Variants in EXTL3 observed in about 807,000 individuals in gnomAD.
The protein encoded by EXTL3 is exostosin-like 3.
Under a neutral mutation model 69.3 loss-of-function variants are expected in EXTL3, and 27 were observed. The observed-to-expected ratio is 0.39, with a 90% CI of 0.29 to 0.54. The LOEUF is 0.54. EXTL3 is among the 20% of genes least tolerant of loss of function. EXTL3 has a pLI of 0.69. For synonymous variants in EXTL3, 511 were observed against 499.4 expected, an observed-to-expected ratio of 1.02 and a Z score of -0.31; for missense variants, 1,003 against 1,231.8, an observed-to-expected ratio of 0.81 and a Z score of 2.78.
At chr8:28,725,670 A>G (rs955515231) in intron 3 of EXTL3, among the ~76,000 whole-genome samples, 6 of 152,200 alleles carry the variant, frequency 3.9e-5, no homozygotes, top group East Asian at 3.8e-4. Flanking sequence ...CATACCAGTA[A>G]TTAAAGCAAT....
chr8:28,619,200 C>G (rs1305059403), upstream of EXTL3, among the ~76,000 whole-genome samples: 1 of 137,242 alleles, frequency 7.3e-6, no homozygotes, highest in Non-Finnish European at 1.5e-5. Context: ...ATGTCCTTCT[C>G]AAGGCCCACC....
Position 28,731,343 on chromosome 8 carries a change from G to A in EXTL3, c.2269G>A (p.Gly757Arg), listed in dbSNP as rs778167577. Residue 757 changes from glycine (G) to arginine (R), a missense_variant, in exon 4 of 7, where the codon GGG (glycine) becomes AGG (arginine). By Grantham distance (125) the Gly-to-Arg change is moderately radical. Transcript: ENST00000220562. ...AHLRHDEIMF[G>R]FRVWREARDR... The stretch of plus-strand genomic sequence containing the variant: ...CCTCCGCCATGACGAAATCATGTTT[G>A]GGTTCCGGTGAGAGACTAATTTCCA... 6.2e-7 allele frequency: 1 copy of A among 1,614,224 alleles called. No individual in the cohort carries two copies. Among genetic ancestry groups the A allele is most frequent in the South Asian group, 1.1e-5 (1 of 91,084 alleles).
upstream of EXTL3, chr8:28,696,898 C>T (rs1348064671): frequency 6.6e-6 from 1 of 152,264 alleles, no homozygotes; most frequent in East Asian, 1.9e-4. Flanking sequence ...TGATGGACAT[C>T]TGGGTACTTT....
At position 28,752,249 on chromosome 8, in the gene EXTL3, T is replaced by G. The variant is rs1765884698; in HGVS notation, c.*1383T>G. 6.6e-6 allele frequency: 1 copy of G among 152,504 alleles called. No homozygotes were observed. Among genetic ancestry groups the G allele is most frequent in the Non-Finnish European group, 1.5e-5 (1 of 68,060 alleles). The allele number at this position is 152,504 out of a possible 1,614,324, so 9.4% of individuals were successfully genotyped here. A position where few individuals can be genotyped will look rare whatever the true frequency, so the allele number is the denominator to read the frequency against. On this transcript the variant is annotated 3_prime_UTR_variant, in exon 7 of 7. Transcript: ENST00000220562. Reference sequence around the variant, plus strand: ...AACTGAAATAAGCTAATTTTTTGGGTCACGGTGGCAGTAGGGGAACCTAGG... The same window carrying G: ...AACTGAAATAAGCTAATTTTTTGGGGCACGGTGGCAGTAGGGGAACCTAGG...
At chr8:28,701,992 C>CT (rs1431663326) in intron 1 of EXTL3, among the ~76,000 whole-genome samples, 1 of 152,116 alleles carries the variant, frequency 6.6e-6, no homozygotes, top group South Asian at 2.1e-4. Context: ...CCGCCTCCAC[C>CT]TTTTTTTGGA....
chr8:28,704,496 T>G (rs1032030447), intron 1 of EXTL3, among the ~76,000 whole-genome samples: 1 of 152,162 alleles, frequency 6.6e-6, no homozygotes, highest in Non-Finnish European at 1.5e-5. Context: ...ATTCCTTCAT[T>G]TGGCTGTGTC....
At chr8:28,652,757 T>C (rs935072241) in intron 1 of EXTL3, among the ~76,000 whole-genome samples, 1 of 152,208 alleles carries the variant, frequency 6.6e-6, no homozygotes, top group South Asian at 2.1e-4. Context: ...ATTTCCTTAA[T>C]GATTAGCAAT....
At chr8:28,676,798 C>T (rs1807390514) in intron 1 of EXTL3, among the ~76,000 whole-genome samples, 1 of 152,184 alleles carries the variant, frequency 6.6e-6, no homozygotes, top group Non-Finnish European at 1.5e-5. Flanking sequence ...GGCAGTGCTT[C>T]TCAGACCCCC....
At chr8:28,660,838 C>CTTTTTTTTTT (rs58151386) in intron 1 of EXTL3, among the ~76,000 whole-genome samples, 8 of 46,952 alleles carry the variant, frequency 1.7e-4, no homozygotes, top group Admixed American at 3.6e-4. Context: ...CGATTTTTGG[C>CTTTTTTTTTT]TTTTTTTTTT....
rs372361872 is a variant in EXTL3, at chr8:28,634,966, T to C, written c.-53+12156T>C. Among the ~76,000 whole-genome samples, 3 of 152,196 alleles carry C rather than the reference T, an allele frequency of 2.0e-5. No homozygotes were observed. In the East Asian group the frequency reaches 5.8e-4, roughly 29 times the overall value. ...CACTCTGCATGGGCGATGTCCACTGTCTGTGGATTCTTTCCTGTTAGCGAT... is the reference window on the plus strand; with the variant it reads ...CACTCTGCATGGGCGATGTCCACTGCCTGTGGATTCTTTCCTGTTAGCGAT... On this transcript the variant is annotated intron_variant, in intron 1 of 6. Coordinates refer to the EXTL3 transcript ENST00000523149.
intron 1 of EXTL3, among the ~76,000 whole-genome samples, chr8:28,654,990 G>A (rs968835030): frequency 6.6e-6 from 1 of 152,196 alleles, no homozygotes; most frequent in African/African-American, 2.4e-5. Context: ...AAGGTGAGAA[G>A]AGTAAGGCCG....
chr8:28,623,544 C>T lies in EXTL3; in HGVS notation c.-53+734C>T, dbSNP rs928314531. ...GCAGGGCTCCATCCGTTCAGTCTCACCCCTTGGTAAGCATGTCCTGTCCTG... is the reference window on the plus strand; with the variant it reads ...GCAGGGCTCCATCCGTTCAGTCTCATCCCTTGGTAAGCATGTCCTGTCCTG... On this transcript the variant is annotated intron_variant, in intron 1 of 6. Transcript: ENST00000523149. The surrounding 1 kb of genome is among the most constrained non-coding windows in gnomAD (Gnocchi z 4.2). Among the ~76,000 whole-genome samples the T allele has an allele frequency of 9.1e-4, 138 of 152,322 alleles. 1 individual carries two copies. The highest frequency in any genetic ancestry group is 2.6e-4 in the Non-Finnish European group (18 of 68,028).
chr8:28,666,278 CTTCT>C (rs1457427522), intron 1 of EXTL3, among the ~76,000 whole-genome samples: 3 of 151,494 alleles, frequency 2.0e-5, no homozygotes, highest in Non-Finnish European at 2.9e-5. Context: ...TCCTTCCTTC[CTTCT>C]TTCTTTTTGT....
intron 3 of EXTL3, among the ~76,000 whole-genome samples, chr8:28,728,113 G>A (rs151051953): frequency 1.1e-4 from 16 of 152,348 alleles, no homozygotes; most frequent in African/African-American, 3.1e-4. Flanking sequence ...GTGAATGTTC[G>A]AGGGGAGTTT....
intron 5 of EXTL3, chr8:28,742,731 C>CTTTTT: frequency 7.7e-6 from 2 of 260,248 alleles, no homozygotes; most frequent in Non-Finnish European, 7.4e-6. Flanking sequence ...TCTCACTTAT[C>CTTTTT]TTTTTTTTTT....
At chr8:28,639,370 C>T (rs1359348568) in intron 1 of EXTL3, among the ~76,000 whole-genome samples, 5 of 152,166 alleles carry the variant, frequency 3.3e-5, no homozygotes, top group Admixed American at 2.0e-4. Context: ...CCCTGTCCGA[C>T]CTCCTGGGGG....
intron 3 of EXTL3, among the ~76,000 whole-genome samples, chr8:28,724,692 C>T (rs910034565): frequency 6.6e-6 from 1 of 151,922 alleles, no homozygotes; most frequent in South Asian, 2.1e-4. Flanking sequence ...CCCAGCTACT[C>T]AGGAGGCTGA....
intron 1 of EXTL3, among the ~76,000 whole-genome samples, chr8:28,685,499 G>A (rs1299315685): frequency 6.6e-6 from 1 of 150,910 alleles, no homozygotes; most frequent in Non-Finnish European, 1.5e-5. Context: ...GTTTGGCCCT[G>A]TTGTACAGGC....
intron 3 of EXTL3, among the ~76,000 whole-genome samples, chr8:28,726,416 G>A (rs1012270466): frequency 2.6e-5 from 4 of 152,154 alleles, no homozygotes; most frequent in South Asian, 2.1e-4. Flanking sequence ...TTTAGTTGGC[G>A]TTTGCAAAGT....
Sources: allele counts gnomAD v4.1 joint callset (sites outside exome capture counted in the v4.1 genomes callset), GRCh38; gene constraint gnomAD v4.1.1; non-coding constraint Gnocchi (gnomAD v3.1); transcripts MANE v1.5; gene names NCBI Gene and HGNC (gene_info 2026-07-23, HGNC 2026-07-21).